ZMYM2: variants seen among roughly 807,000 people sequenced by gnomAD.
ZMYM2 encodes zinc finger MYM-type protein 2.
ZMYM2 carries 56 observed loss-of-function variants against 162.8 expected under a neutral mutation model. The ratio of observed to expected loss-of-function variants is 0.34; its 90% CI spans 0.28 to 0.43. The LOEUF (loss-of-function observed/expected upper bound fraction) is 0.43. Ranked by LOEUF, ZMYM2 falls within the 20% of genes least tolerant of loss-of-function variation. The pLI is 1.00. For synonymous variants in ZMYM2, 510 were observed against 541.6 expected (o/e 0.94, Z 0.81); for missense variants, 1,275 against 1,621.8 (o/e 0.79, Z 3.67).
At chr13:20,013,461 T>C (rs1367752690) in intron 6 of ZMYM2, among the ~76,000 whole-genome samples, 1 of 152,238 alleles carries the variant, frequency 6.6e-6, no homozygotes, top group Non-Finnish European at 1.5e-5. Context: ...GTGGCTATAA[T>C]TTTCAATACT....
chr13:20,085,149 A>T (rs569942095), intron 24 of ZMYM2, among the ~76,000 whole-genome samples: 2 of 152,278 alleles, frequency 1.3e-5, no homozygotes, highest in African/African-American at 4.8e-5. Flanking sequence ...CCTGTGTGTT[A>T]TGTGCCTGTG....
At chr13:19,910,534 CTT>C in the ZMYM2 span, among the ~76,000 whole-genome samples, 1 of 147,650 alleles carries the variant, frequency 6.8e-6, no homozygotes, top group African/African-American at 2.5e-5. Context: ...CTCTCTCTCT[CTT>C]TTTTTTTTTT....
rs56664916 is a variant in ZMYM2 at position 20,075,670 on chromosome 13, C to CTTTTTTTTTTTTTTTT, written c.3454-6329_3454-6314dup. ...TTATTATGAATAGAACTATAGACACCTTTTTTTTTTTTTTTTTTTTTTTTT... is the reference window on the plus strand; with the variant it reads ...TTATTATGAATAGAACTATAGACACCTTTTTTTTTTTTTTTTTTTTTTTTTTTTTTTTTTTTTTTTT... On this transcript the variant is annotated intron_variant, in intron 21 of 24. Coordinates refer to ENST00000610343, the MANE Select transcript of ZMYM2 (RefSeq NM_197968.4). Among the ~76,000 whole-genome samples the CTTTTTTTTTTTTTTTT allele has an allele frequency of 4.4e-4, 33 of 75,718 alleles. 3 individuals carry two copies. The highest frequency in any genetic ancestry group is 8.7e-4 in the African/African-American group (16 of 18,452). The allele number at this position is 75,718 out of a possible 152,430, so 49.7% of individuals were successfully genotyped here.
the ZMYM2 span, among the ~76,000 whole-genome samples, chr13:19,885,907 A>ACACACATATGTG: frequency 9.9e-5 from 3 of 30,270 alleles, 1 homozygote; most frequent in Non-Finnish European, 2.5e-4. Flanking sequence ...ACACATATAT[A>ACACACATATGTG]TGTATATACA....
intron 10 of ZMYM2, among the ~76,000 whole-genome samples, chr13:20,032,324 T>G (rs904283665): frequency 2.6e-5 from 4 of 152,040 alleles, no homozygotes; most frequent in Non-Finnish European, 4.4e-5. Flanking sequence ...GGGGCAGTAA[T>G]AGATGGATAC....
At position 20,060,306 on chromosome 13, in the gene ZMYM2, C is replaced by T. The variant is rs1263716081; in HGVS notation, c.2739+744C>T. Among the ~76,000 whole-genome samples the T allele has an allele frequency of 2.6e-5, 4 of 152,198 alleles. No individual in the cohort carries two copies. The East Asian group carries it at 5.8e-4, about 22-fold the overall frequency. ...GCTTTGTGTATAGTATGTATATGTTCATCCTCGAGAGTGACATTTCGCGGA... is the reference window on the plus strand; with the variant it reads ...GCTTTGTGTATAGTATGTATATGTTTATCCTCGAGAGTGACATTTCGCGGA... On this transcript the variant is annotated intron_variant, in intron 16 of 24. Transcript: ENST00000610343.
At chr13:19,913,349 C>T in the ZMYM2 span, among the ~76,000 whole-genome samples, 6 of 152,072 alleles carry the variant, frequency 3.9e-5, no homozygotes, top group Non-Finnish European at 8.8e-5. Flanking sequence ...TCTGACCCAC[C>T]AAGCCATAAA....
chr13:19,947,651 GT>G, the ZMYM2 span, among the ~76,000 whole-genome samples: 17 of 136,790 alleles, frequency 1.2e-4, no homozygotes, highest in Non-Finnish European at 2.5e-4. Context: ...TAGAGACGGG[GT>G]TTCACCATGT....
chr13:19,987,111 C>CAAAAAA (rs58588019), intron 2 of ZMYM2, among the ~76,000 whole-genome samples: 8 of 40,954 alleles, frequency 2.0e-4, no homozygotes, highest in African/African-American at 2.7e-4. Context: ...GGCTCCGTCT[C>CAAAAAA]AAAAAAAAAA....
chr13:19,900,992 A>G, the ZMYM2 span, among the ~76,000 whole-genome samples: 1,639 of 152,232 alleles, frequency 0.011, 13 homozygotes, highest in Middle Eastern at 0.037. Context: ...AAACAGATAA[A>G]TTGGTCTTGG....
At chr13:19,877,600 G>C in the ZMYM2 span, among the ~76,000 whole-genome samples, 1 of 152,160 alleles carries the variant, frequency 6.6e-6, no homozygotes. Context: ...AGTTTTGGTG[G>C]AGACAATATC....
chr13:19,977,880 GT>G (rs1245525008), intron 2 of ZMYM2, among the ~76,000 whole-genome samples: 1,372 of 135,756 alleles, frequency 0.01, 23 homozygotes, highest in Admixed American at 0.049. Flanking sequence ...TATTTTAAAA[GT>G]TTTTTTTTTT....
chr13:19,897,889 A>G, the ZMYM2 span, among the ~76,000 whole-genome samples: 1 of 152,184 alleles, frequency 6.6e-6, no homozygotes, highest in Non-Finnish European at 1.5e-5. Context: ...AAAGCTCAAC[A>G]GTAATTGTAG....
chr13:20,074,227 T>TGTGTGTGTGA (rs1957312253), intron 21 of ZMYM2, among the ~76,000 whole-genome samples: 1 of 145,500 alleles, frequency 6.9e-6, no homozygotes, highest in Non-Finnish European at 1.5e-5. Context: ...TGTGTGTGTG[T>TGTGTGTGTGA]GTGTGTGTGT....
At chr13:19,931,657 T>C in the ZMYM2 span, among the ~76,000 whole-genome samples, 1 of 152,240 alleles carries the variant, frequency 6.6e-6, no homozygotes, top group Non-Finnish European at 1.5e-5. Context: ...AAGGTCTTTC[T>C]CTGTTGCCCA....
chr13:19,939,119 G>A, the ZMYM2 span, among the ~76,000 whole-genome samples: 4 of 150,426 alleles, frequency 2.7e-5, no homozygotes, highest in African/African-American at 9.8e-5. Flanking sequence ...CGCCTCCTGG[G>A]TTCAAGTGAT....
At chr13:20,034,507 C>T in intron 11 of ZMYM2, 103 bp downstream of exon 11, 1 of 1,161,820 alleles carries the variant, frequency 8.6e-7, no homozygotes, top group African/African-American at 1.6e-5. Context: ...TGTAGCTGAA[C>T]AAAAAAAATT....
intron 6 of ZMYM2, among the ~76,000 whole-genome samples, chr13:20,014,472 G>T (rs971793229): frequency 6.6e-6 from 1 of 152,110 alleles, no homozygotes; most frequent in African/African-American, 2.4e-5. Flanking sequence ...AGGAATTTGT[G>T]CATTTCATCT....
rs259778 is a variant in ZMYM2, at chr13:20,086,976, A to G, written c.*962A>G. On this transcript the variant is annotated 3_prime_UTR_variant, in exon 25 of 25. Coordinates refer to ENST00000610343, the MANE Select transcript of ZMYM2 (RefSeq NM_197968.4). ...TCTTAAGGATACAGATCATGCTGCA[A>G]TGTTAGCTGTGTAGTACTCTAAAAC... 5,941 of 182,092 alleles carry G rather than the reference A, an allele frequency of 0.033. 372 individuals carry two copies. The highest frequency in any genetic ancestry group is 0.13 in the African/African-American group (5,549 of 42,518). 11.3% of individuals were successfully genotyped at this position (182,092 alleles called of 1,614,324 possible).
Sources: gnomAD v4.1 joint callset for allele counts (sites outside exome capture counted in the v4.1 genomes callset) on GRCh38, gnomAD v4.1.1 for gene constraint, MANE v1.5 for transcripts, NCBI Gene and HGNC (gene_info 2026-07-23, HGNC 2026-07-21) for gene names.